The following PIDD1 variants were observed in gnomAD, a reference collection of about 807,000 sequenced individuals.
PIDD1 encodes p53-induced death domain-containing protein 1.
In PIDD1, 72 loss-of-function variants were observed where a neutral mutation model predicts 80.0. The ratio of observed to expected loss-of-function variants is 0.90; its 90% confidence interval spans 0.74 to 1.09. The LOEUF is 1.09. PIDD1 is among the 50% of genes least tolerant of loss of function. PIDD1 has a pLI of 0.00. For synonymous variants in PIDD1, 655 were observed against 543.5 expected (o/e 1.21, Z -2.85); for missense variants, 1,329 against 1,228.3 (o/e 1.08, Z -1.23).
rs1029782814 is a variant in PIDD1 at position 802,765 on chromosome 11, G to A, written c.836C>T (p.Pro279Leu). 6 of 1,609,568 alleles carry A rather than the reference G, an allele frequency of 3.7e-6. No homozygotes were observed. Among genetic ancestry groups the A allele is most frequent in the Non-Finnish European group, 4.2e-6 (5 of 1,178,512 alleles). The part of the protein sequence containing the change: ...DLRDNQLRDL[P>L]PELLDAPFVR... ...AAAGGGGGCGTCTAGCAGCTCAGGG[G>A]GCAGGTCCCGGAGCTGGTTGTCCCT... The change falls in exon 4 of 16, where the codon CCC (proline) becomes CTC (leucine). Residue 279 changes from proline (P) to leucine (L), a missense_variant. Transcript: ENST00000347755.
chr11:800,997 G>A lies in PIDD1; in HGVS notation c.1754C>T (p.Thr585Ile). The change falls in exon 10 of 16, where the codon ACA becomes ATA. Residue 585 changes from threonine (T) to isoleucine (I), a missense_variant. Physicochemically the swap from Thr to Ile is moderately conservative, Grantham distance 89. Coordinates refer to ENST00000347755, the MANE Select transcript of PIDD1 (RefSeq NM_145886.4). ...LTHLYARFQV[T>I]HFSWYWLWYT... ...GGGGGGCACTGACCAGGAGAAGTGTGTGACCTGGAAGCGTGCGTACAGGTG... is the reference window on the plus strand; with the variant it reads ...GGGGGGCACTGACCAGGAGAAGTGTATGACCTGGAAGCGTGCGTACAGGTG... 1 of 1,605,034 alleles carries A rather than the reference G, an allele frequency of 6.2e-7. No individual in the cohort carries two copies. Among genetic ancestry groups the A allele is most frequent in the Non-Finnish European group, 8.5e-7 (1 of 1,176,396 alleles).
rs1865272130 is a variant in PIDD1, at chr11:801,131, G to A, written c.1631-11C>T. Reference sequence around the variant, plus strand: ...GGTCCAGACTGAGGCCTGGGGATGGGAGGGGCAGCGAGCTGAGGCCTCCTG... The same window carrying A: ...GGTCCAGACTGAGGCCTGGGGATGGAAGGGGCAGCGAGCTGAGGCCTCCTG... On this transcript the variant is annotated splice_polypyrimidine_tract_variant and intron_variant, in intron 9 of 15. Transcript: ENST00000347755. The A allele has an allele frequency of 5.2e-6, 8 of 1,548,914 alleles. No individual in the cohort carries two copies. The highest frequency in any genetic ancestry group is 1.2e-5 in the South Asian group (1 of 81,690).
chr11:801,273 G>C lies in PIDD1; in HGVS notation c.1575C>G (p.Pro525=), dbSNP rs1389354544. The C allele has an allele frequency of 1.9e-6, 3 of 1,582,692 alleles. No individual in the cohort carries two copies. The highest frequency in any genetic ancestry group is 2.6e-6 in the Non-Finnish European group (3 of 1,164,222). Residue 525 remains proline, a synonymous_variant, in exon 9 of 16, where the codon CCC becomes CCG. Coordinates refer to ENST00000347755, the MANE Select transcript of PIDD1 (RefSeq NM_145886.4). ...CGGTGACCGGTTGGAGGAAGCTGGG[G>C]GGACCGCTCTGTGACAGGCACAGCA... ...SPLLCLSQSG[P]PSFLQPVTVQ... is the part of the protein sequence containing the mutation.
rs764497774 is a variant in PIDD1 at position 802,733 on chromosome 11, G to C, written c.868C>G (p.Leu290Val). 6.2e-7 allele frequency: 1 copy of C among 1,611,666 alleles called. No individual in the cohort carries two copies. The part of the protein sequence containing the change: ...PELLDAPFVR[L>V]QGNPLGEASP... ...GCCTCACCCAGGGGGTTCCCCTGCA[G>C]GCGCACAAAGGGGGCGTCTAGCAGC... is the stretch of plus-strand genomic sequence containing the variant. The change falls in exon 4 of 16, where the codon CTG becomes GTG. Residue 290 changes from leucine to valine, a missense_variant. Transcript: ENST00000347755.
Position 801,447 on chromosome 11 carries a change from G to A in PIDD1, c.1480C>T (p.Gln494Ter), listed in dbSNP as rs1317037175. The A allele has an allele frequency of 3.9e-6, 6 of 1,550,672 alleles. No individual in the cohort carries two copies. Among genetic ancestry groups the A allele is most frequent in the Non-Finnish European group, 5.2e-6 (6 of 1,146,526 alleles). The change falls in exon 8 of 16, where the codon CAG (glutamine) becomes TAG (stop). Residue 494 changes from glutamine to a stop codon, truncating the protein, a stop_gained and splice_region_variant. Transcript: ENST00000347755. LOFTEE classifies it high-confidence loss of function. ...CCTCAGTGCTGTCCTGGCCATACCT[G>A]CATGGAGACTCGACGAGGCTCCTCA... ...ATEEPRRVSM[Q>*]VVRMAGRELQ... is the part of the protein sequence containing the mutation.
chr11:805,247 C>A, upstream of PIDD1: 5 of 982,302 alleles, frequency 5.1e-6, no homozygotes, highest in Non-Finnish European at 6.0e-6. Context: ...CCCGCCGGCG[C>A]GTTTCTGGGT....
upstream of PIDD1, among the ~76,000 whole-genome samples, chr11:807,635 G>A (rs1250575166): frequency 6.6e-6 from 1 of 152,054 alleles, no homozygotes; most frequent in African/African-American, 2.4e-5. Flanking sequence ...AACTTAGCCG[G>A]GCGCGGTAGC....
In PIDD1 at chr11:800,585, C is replaced by T. The variant is rs780286677; in HGVS notation, c.1999G>A (p.Glu667Lys). The T allele has an allele frequency of 1.3e-6, 2 of 1,583,150 alleles. No individual in the cohort carries two copies. Among genetic ancestry groups the T allele is most frequent in the East Asian group, 4.5e-5 (2 of 44,480 alleles). The change falls in exon 12 of 16, where the codon GAG becomes AAG. Residue 667 changes from glutamate (E) to lysine (K), a missense_variant. Transcript: ENST00000347755. ...SDTVEMFEGE[E>K]FFAAFERGID... Reference sequence around the variant, plus strand: ...CCGCGCTCGAAGGCCGCAAAGAACTCTTCGCCCTCGAACATCTCCACCGTG... The same window carrying T: ...CCGCGCTCGAAGGCCGCAAAGAACTTTTCGCCCTCGAACATCTCCACCGTG...
At chr11:806,925 C>T (rs1865802111), upstream of PIDD1, among the ~76,000 whole-genome samples, 2 of 152,308 alleles carry the variant, frequency 1.3e-5, no homozygotes, top group East Asian at 1.9e-4. Context: ...GATGCTGTGG[C>T]TTACGCCAGT....
chr11:803,468 T>A lies in PIDD1; in HGVS notation c.415A>T (p.Thr139Ser), dbSNP rs61751730. ...ATCTGCAGGACACAGGCCGGCAGTG[T>A]CTCCAGGCTGTTGAAGCTCAGGTCC... ...HLDLSFNSLE[T>S]LPACVLQMRG... Residue 139 changes from threonine (T) to serine (S), a missense_variant, in exon 3 of 16, where the codon ACA (threonine) becomes TCA (serine). Transcript: ENST00000347755. 2.3e-4 allele frequency: 372 copies of A among 1,613,570 alleles called. No homozygotes were observed. In the East Asian group the frequency reaches 7.4e-3, roughly 32 times the overall value.
Position 799,224 on chromosome 11 carries a change from C to A in PIDD1, c.*83G>T. On this transcript the variant is annotated 3_prime_UTR_variant, in exon 16 of 16. Transcript: ENST00000347755. ...AGTTTTGTTGCTCACAGGGACCCGT[C>A]CCCACACACTGGAGAGACTTGAAGG... The A allele has an allele frequency of 7.4e-7, 1 of 1,353,342 alleles. No individual in the cohort carries two copies. The highest frequency in any genetic ancestry group is 9.9e-7 in the Non-Finnish European group (1 of 1,010,060). The allele number at this position is 1,353,342 out of a possible 1,614,324, so 83.8% of individuals were successfully genotyped here.
In PIDD1 at chr11:802,832, C is replaced by G; in HGVS notation, c.769G>C (p.Ala257Pro). Residue 257 changes from alanine to proline, a missense_variant, in exon 4 of 16, where the codon GCT becomes CCT. Transcript: ENST00000347755. Reference protein sequence around the residue: ...LHSNLLASVPADLARLPLLTR... With the variant: ...LHSNLLASVPPDLARLPLLTR... ...AGGAGTGGAAGGCGGGCCAAGTCAG[C>G]TGGCACAGAGGCCAGGAGGTTGCTG... The G allele has an allele frequency of 6.3e-7, 1 of 1,597,030 alleles. No individual in the cohort carries two copies. The highest frequency in any genetic ancestry group is 1.3e-5 in the African/African-American group (1 of 74,840).
rs767220327 is a variant in PIDD1, at chr11:799,370, G to T, written c.2670C>A (p.Ala890=). The change falls in exon 16 of 16, where the codon GCC becomes GCA. Residue 890 remains alanine, a synonymous_variant. Transcript: ENST00000347755. ...YQDSIRRMGL[A]PKDPALPGSS... Reference sequence around the variant, plus strand: ...AGCCAGGCAGAGCGGGGTCCTTGGGGGCCAAGCCCATGCGTCGGATGCTGT... The same window carrying T: ...AGCCAGGCAGAGCGGGGTCCTTGGGTGCCAAGCCCATGCGTCGGATGCTGT... 1 of 1,611,652 alleles carries T rather than the reference G, an allele frequency of 6.2e-7. No individual in the cohort carries two copies. Among genetic ancestry groups the T allele is most frequent in the South Asian group, 1.1e-5 (1 of 91,062 alleles).
chr11:809,003 C>T (rs555265380), upstream of PIDD1, among the ~76,000 whole-genome samples: 163 of 152,328 alleles, frequency 1.1e-3, no homozygotes, highest in Non-Finnish European at 1.8e-3. Context: ...ATGGCTCCTT[C>T]TCATCTCTCA....
chr11:804,022 C>T, intron 2 of PIDD1, 72 bp downstream of exon 2: 3 of 1,494,432 alleles, frequency 2.0e-6, no homozygotes, highest in South Asian at 1.3e-5. Context: ...CTGGGGTTTG[C>T]CTTTGAGAAC....
rs1360750801 is a variant in PIDD1, at chr11:800,374, TC to T, written c.2118del (p.Thr707ProfsTer71). The T allele has an allele frequency of 6.2e-7, 1 of 1,607,812 alleles. No individual in the cohort carries two copies. Among genetic ancestry groups the T allele is most frequent in the Admixed American group, 1.7e-5 (1 of 59,666 alleles). ...SHLKNVKEVYVTTTLDREAQA... is the reference protein window; with the variant it reads ...SHLKNVKEVYXTTTLDREAQA... ...TGAGCCTCCCGGTCCAGAGTGGTGG[TC>T]ACGTATACCTCCTTCACATTCTTCA... is the stretch of plus-strand genomic sequence containing the variant. On this transcript the variant is annotated frameshift_variant, in exon 13 of 16. Transcript: ENST00000347755. LOFTEE classifies it high-confidence loss of function.
Position 801,785 on chromosome 11 carries a change from A to G in PIDD1, c.1303-161T>C, listed in dbSNP as rs532166263. Reference sequence around the variant, plus strand: ...CGGGGTGGGGTGGAAGTTGCCAGGGACACAGGGAAGCAGGATCCAGGAGGG... The same window carrying G: ...CGGGGTGGGGTGGAAGTTGCCAGGGGCACAGGGAAGCAGGATCCAGGAGGG... On this transcript the variant is annotated intron_variant, in intron 7 of 15. Coordinates refer to ENST00000347755, the MANE Select transcript of PIDD1 (RefSeq NM_145886.4). The G allele has an allele frequency of 5.8e-4, 522 of 900,544 alleles. 2 individuals carry two copies. The African/African-American group carries it at 8.6e-3, about 15-fold the overall frequency. 55.8% of individuals were successfully genotyped at this position (900,544 alleles called of 1,614,324 possible). A position where few individuals can be genotyped will look rare whatever the true frequency, so the allele number is the denominator to read the frequency against.
intron 1 of PIDD1, 54 bp from the exon 2 acceptor site, chr11:804,517 G>C: frequency 7.0e-7 from 1 of 1,429,946 alleles, no homozygotes; most frequent in Non-Finnish European, 9.1e-7. Flanking sequence ...CTTCTCTTTG[G>C]GGAAACAGGG....
upstream of PIDD1, among the ~76,000 whole-genome samples, chr11:806,582 C>CA (rs1865782162): frequency 6.9e-6 from 1 of 144,046 alleles, no homozygotes; most frequent in African/African-American, 2.5e-5. Context: ...CTGGAGGGAT[C>CA]TTTTTTTTTT....
Sources: allele counts gnomAD v4.1 joint callset (sites outside exome capture counted in the v4.1 genomes callset), GRCh38; gene constraint gnomAD v4.1.1; transcripts MANE v1.5; gene names NCBI Gene and HGNC (gene_info 2026-07-23, HGNC 2026-07-21).